Variants in TBC1D5 observed in about 807,000 individuals in gnomAD.
TBC1D5 encodes the protein TBC1 domain family member 5.
A neutral mutation model predicts 100.3 loss-of-function variants in TBC1D5; 75 were observed. That is an observed-to-expected ratio of 0.75 (90% CI 0.62 to 0.91). The LOEUF is 0.91. TBC1D5 is among the 40% of genes least tolerant of loss of function. TBC1D5 has a pLI of 0.00. For missense variants in TBC1D5, 910 were observed against 942.4 expected, an observed-to-expected ratio of 0.97 and a Z score of 0.45; for synonymous variants, 323 against 325.6, an observed-to-expected ratio of 0.99 and a Z score of 0.09.
At chr3:17,717,231 TA>T (rs1322257416) in intron 1 of TBC1D5, among the ~76,000 whole-genome samples, 2 of 144,150 alleles carry the variant, frequency 1.4e-5, no homozygotes, top group East Asian at 2.1e-4. Context: ...GATTTCAAGC[TA>T]AAAATAAAGC....
intron 2 of TBC1D5, among the ~76,000 whole-genome samples, chr3:17,618,058 T>A (rs566436681): frequency 6.6e-6 from 1 of 152,236 alleles, no homozygotes; most frequent in African/African-American, 2.4e-5. Flanking sequence ...TGGTCTTTGA[T>A]GTTGGTGACC....
Position 17,189,136 on chromosome 3 carries a change from T to C in TBC1D5, c.1753-3928A>G, listed in dbSNP as rs137875964. On this transcript the variant is annotated intron_variant, in intron 18 of 21. Coordinates refer to ENST00000253692, the Ensembl canonical transcript of TBC1D5. ...CGGGGGAGAACAAAATGAGAACATA[T>C]GGAGAACACAGCATCTGGCACAGAG... Among the ~76,000 whole-genome samples the C allele has an allele frequency of 2.6e-4, 40 of 152,284 alleles. 1 individual carries two copies. In the East Asian group the frequency reaches 7.5e-3, roughly 29 times the overall value.
At chr3:17,544,650 G>GAA (rs11294217) in intron 2 of TBC1D5, among the ~76,000 whole-genome samples, 34 of 86,256 alleles carry the variant, frequency 3.9e-4, no homozygotes, top group Admixed American at 3.3e-3. Context: ...GACTCCGTCT[G>GAA]AAAAAAAAAA....
intron 2 of TBC1D5, among the ~76,000 whole-genome samples, chr3:17,528,933 T>A (rs2096178463): frequency 6.6e-6 from 1 of 152,198 alleles, no homozygotes; most frequent in Admixed American, 6.5e-5. Flanking sequence ...TACTAGACAT[T>A]TCCACTTATG....
intron 1 of TBC1D5, among the ~76,000 whole-genome samples, chr3:17,677,510 G>A (rs1265834684): frequency 1.3e-5 from 2 of 152,198 alleles, no homozygotes; most frequent in Non-Finnish European, 2.9e-5. Flanking sequence ...GTGCTGGAGA[G>A]GATGTGGAGA....
intron 1 of TBC1D5, among the ~76,000 whole-genome samples, chr3:17,679,407 T>C (rs2069141481): frequency 6.6e-6 from 1 of 150,972 alleles, no homozygotes; most frequent in African/African-American, 2.5e-5. Context: ...AACGCATTTA[T>C]TATTATTATT....
At chr3:17,713,575 A>G (rs1482793605) in intron 1 of TBC1D5, among the ~76,000 whole-genome samples, 1 of 152,152 alleles carries the variant, frequency 6.6e-6, no homozygotes, top group Non-Finnish European at 1.5e-5. Flanking sequence ...CAACTCAACA[A>G]TTCACTTTAG....
At chr3:17,651,170 C>A (rs1253897378) in intron 1 of TBC1D5, among the ~76,000 whole-genome samples, 1 of 152,028 alleles carries the variant, frequency 6.6e-6, no homozygotes. Flanking sequence ...TCTTAAATAT[C>A]ATTTAAGTCT....
chr3:17,666,571 C>G (rs1395632032), intron 1 of TBC1D5, among the ~76,000 whole-genome samples: 1 of 152,014 alleles, frequency 6.6e-6, no homozygotes, highest in Non-Finnish European at 1.5e-5. Flanking sequence ...GCAGTATTTA[C>G]CCTTCAAGTT....
At chr3:17,406,643 T>C in intron 4 of TBC1D5, 117 bp from the exon 5 acceptor site, 1 of 805,440 alleles carries the variant, frequency 1.2e-6, no homozygotes, top group South Asian at 1.8e-5. Flanking sequence ...TTAAAACATA[T>C]ATATTTAGTT....
intron 1 of TBC1D5, among the ~76,000 whole-genome samples, chr3:17,658,932 AC>A (rs1460128859): frequency 4.6e-5 from 7 of 152,212 alleles, no homozygotes; most frequent in Non-Finnish European, 8.8e-5. Flanking sequence ...TGCTGGGATT[AC>A]AGGTGTGAGT....
chr3:17,525,607 G>T (rs1202952317), intron 2 of TBC1D5, among the ~76,000 whole-genome samples: 5 of 152,038 alleles, frequency 3.3e-5, no homozygotes, highest in African/African-American at 1.2e-4. Context: ...CCATATTGGT[G>T]ATTAAATATG....
intron 7 of TBC1D5, among the ~76,000 whole-genome samples, chr3:17,404,318 C>T (rs748298790): frequency 7.9e-5 from 12 of 152,062 alleles, no homozygotes; most frequent in Non-Finnish European, 1.8e-4. Context: ...TTTCTTCCTG[C>T]GAGTTAGCCC....
Position 17,277,806 on chromosome 3 carries a change from A to G in TBC1D5, c.1245+14089T>C, listed in dbSNP as rs558050177. ...CAGATAGCTCCAAAGTGGGAACAGGAGCCAGGGGGCTAGGTCTTGGCTCTG... is the reference window on the plus strand; with the variant it reads ...CAGATAGCTCCAAAGTGGGAACAGGGGCCAGGGGGCTAGGTCTTGGCTCTG... On this transcript the variant is annotated intron_variant, in intron 15 of 21. Coordinates refer to ENST00000253692, the Ensembl canonical transcript of TBC1D5. Among the ~76,000 whole-genome samples, 12 of 152,306 alleles carry G rather than the reference A, an allele frequency of 7.9e-5. No individual in the cohort carries two copies. The South Asian group carries it at 2.5e-3, about 32-fold the overall frequency.
intron 15 of TBC1D5, among the ~76,000 whole-genome samples, chr3:17,285,044 G>A (rs2081023611): frequency 6.6e-6 from 1 of 151,218 alleles, no homozygotes. Flanking sequence ...TCTAAGAAAT[G>A]CCCAGTTTTG....
At chr3:17,361,340 T>A (rs1242129998) in intron 13 of TBC1D5, among the ~76,000 whole-genome samples, 1 of 152,022 alleles carries the variant, frequency 6.6e-6, no homozygotes, top group East Asian at 1.9e-4. Context: ...AATTTAAAAA[T>A]TTATAATTAT....
intron 19 of TBC1D5, among the ~76,000 whole-genome samples, chr3:17,170,209 G>A (rs879486504): frequency 1.3e-4 from 20 of 152,186 alleles, no homozygotes; most frequent in Admixed American, 2.0e-4. Flanking sequence ...ACACAGCACC[G>A]GATGCTTGGA....
At chr3:17,530,004 G>A (rs1299970994) in intron 2 of TBC1D5, among the ~76,000 whole-genome samples, 1 of 152,122 alleles carries the variant, frequency 6.6e-6, no homozygotes, top group Non-Finnish European at 1.5e-5. Flanking sequence ...AGCATTTTGG[G>A]AGGCCAAGGC....
At chr3:17,558,008 T>C (rs957969647) in intron 2 of TBC1D5, among the ~76,000 whole-genome samples, 8 of 152,192 alleles carry the variant, frequency 5.3e-5, no homozygotes, top group Middle Eastern at 3.2e-3. Context: ...GAGTAACCCA[T>C]ATGCATGGTT....
Sources: gnomAD v4.1 joint callset for allele counts (sites outside exome capture counted in the v4.1 genomes callset) on GRCh38, gnomAD v4.1.1 for gene constraint, MANE v1.5 for transcripts, NCBI Gene and HGNC (gene_info 2026-07-23, HGNC 2026-07-21) for gene names.